The following NDUFAF4 variants were observed in gnomAD, a reference collection of about 807,000 sequenced individuals.
NDUFAF4 encodes the protein NADH:ubiquinone oxidoreductase complex assembly factor 4.
NDUFAF4 carries 10 observed loss-of-function variants against 15.6 expected under a neutral mutation model. The observed-to-expected ratio is 0.64, with a 90% CI of 0.40 to 1.09. NDUFAF4 has a LOEUF of 1.09. Ranked by LOEUF, NDUFAF4 falls within the 50% of genes least tolerant of loss-of-function variation. The pLI, the probability that NDUFAF4 is intolerant of heterozygous loss-of-function variation, is 0.01. For synonymous variants in NDUFAF4, 77 were observed against 73.3 expected (o/e 1.05, Z -0.26); for missense variants, 203 against 207.3 (o/e 0.98, Z 0.13).
At chr6:96,891,471 C>T in intron 2 of NDUFAF4, 80 bp from the exon 3 acceptor site, 5 of 1,354,704 alleles carry the variant, frequency 3.7e-6, no homozygotes, top group Admixed American at 3.6e-5. Context: ...CTACACTATT[C>T]CTCTTCAAAT....
intron 2 of NDUFAF4, among the ~76,000 whole-genome samples, chr6:96,894,458 A>C (rs1288258056): frequency 6.6e-6 from 1 of 152,242 alleles, no homozygotes; most frequent in Non-Finnish European, 1.5e-5. Context: ...TTATTGACTT[A>C]ATGAGGAAAA....
rs1212921553 is a variant in NDUFAF4 at position 96,890,111 on chromosome 6, C to T, written c.*993G>A. On this transcript the variant is annotated 3_prime_UTR_variant, in exon 3 of 3. Coordinates refer to ENST00000316149, the MANE Select transcript of NDUFAF4 (RefSeq NM_014165.4). ...AGGCAGAGCTAAACTCACACACTCA[C>T]TCAAGATCCTAGTACTGGTACATGC... 4 of 152,086 alleles carry T rather than the reference C, an allele frequency of 2.6e-5. No homozygotes were observed. Among genetic ancestry groups the T allele is most frequent in the Non-Finnish European group, 5.9e-5 (4 of 68,000 alleles). 9.4% of individuals were successfully genotyped at this position (152,086 alleles called of 1,614,324 possible). A position where few individuals can be genotyped will look rare whatever the true frequency, so the allele number is the denominator to read the frequency against.
chr6:96,890,956 A>C lies in NDUFAF4; in HGVS notation c.*148T>G. 1 of 723,660 alleles carries C rather than the reference A, an allele frequency of 1.4e-6. No individual in the cohort carries two copies. The highest frequency in any genetic ancestry group is 1.9e-5 in the South Asian group (1 of 53,380). The allele number at this position is 723,660 out of a possible 1,614,324, so 44.8% of individuals were successfully genotyped here. A position where few individuals can be genotyped will look rare whatever the true frequency, so the allele number is the denominator to read the frequency against. ...AAGATATTCTATGGCAATCTTGAAA[A>C]GTCAGGGAGCTCAATAAATATTAAG... is the stretch of plus-strand genomic sequence containing the variant. On this transcript the variant is annotated 3_prime_UTR_variant, in exon 3 of 3. Coordinates refer to ENST00000316149, the MANE Select transcript of NDUFAF4 (RefSeq NM_014165.4).
At chr6:96,895,222 G>T (rs1464867874) in intron 2 of NDUFAF4, among the ~76,000 whole-genome samples, 2 of 152,148 alleles carry the variant, frequency 1.3e-5, no homozygotes, top group Non-Finnish European at 2.9e-5. Context: ...AAAACTACTG[G>T]AAGAAAATAC....
rs763710545 is a variant in NDUFAF4 at position 96,897,749 on chromosome 6, G to A, written c.53C>T (p.Ala18Val). The change falls in exon 1 of 3, where the codon GCG becomes GTG. Residue 18 changes from alanine to valine, a missense_variant. Coordinates refer to ENST00000316149, the MANE Select transcript of NDUFAF4 (RefSeq NM_014165.4). ...GIRNFNLENR[A>V]EREISKMKPS... ...CTTCATCTTGCTGATTTCCCGTTCC[G>A]CTCGGTTCTCTAGGTTGAAATTCCT... is the stretch of plus-strand genomic sequence containing the variant. 11 of 1,614,044 alleles carry A rather than the reference G, an allele frequency of 6.8e-6. No homozygotes were observed. In the Admixed American group the frequency reaches 8.3e-5, roughly 12 times the overall value.
At chr6:96,897,437 T>C (rs549312938) in intron 1 of NDUFAF4, among the ~76,000 whole-genome samples, 27 of 152,302 alleles carry the variant, frequency 1.8e-4, no homozygotes, top group Non-Finnish European at 3.5e-4. Context: ...CACTGGCTGC[T>C]GCCTCTGGGT....
At chr6:96,891,474 C>T (rs1775315813) in intron 2 of NDUFAF4, 83 bp from the exon 3 acceptor site, 1 of 1,327,082 alleles carries the variant, frequency 7.5e-7, no homozygotes, top group Non-Finnish European at 1.1e-6. Context: ...CACTATTCCT[C>T]TTCAAATAAC....
chr6:96,897,313 C>G (rs1403036903), intron 1 of NDUFAF4, among the ~76,000 whole-genome samples: 5 of 152,208 alleles, frequency 3.3e-5, no homozygotes, highest in Non-Finnish European at 7.3e-5. Context: ...CCAGGTCAGG[C>G]TCTGCGTCCA....
intron 1 of NDUFAF4, 56 bp downstream of exon 1, chr6:96,897,610 C>CGGGCA: frequency 6.2e-7 from 1 of 1,609,430 alleles, no homozygotes; most frequent in East Asian, 2.2e-5. Context: ...TAGGGACAGC[C>CGGGCA]GGGCAGCACA....
chr6:96,897,178 G>C lies in NDUFAF4; in HGVS notation c.137-331C>G, dbSNP rs7771530. The stretch of plus-strand genomic sequence containing the variant: ...GACCTCAGGTGATCTGCCCGCCTCG[G>C]CCTCCCAAAGTGCTGAGATTACAGG... On this transcript the variant is annotated intron_variant, in intron 1 of 2. Transcript: ENST00000316149. 0.28 allele frequency among the ~76,000 whole-genome samples: 42,666 copies of C among 152,020 alleles called. 6,016 individuals are homozygous for C. Among genetic ancestry groups the C allele is most frequent in the South Asian group, 0.32 (1,518 of 4,816 alleles).
Position 96,890,890 on chromosome 6 carries a change from G to A in NDUFAF4, c.*214C>T, listed in dbSNP as rs1485047040. 2 of 506,802 alleles carry A rather than the reference G, an allele frequency of 3.9e-6. No homozygotes were observed. Among genetic ancestry groups the A allele is most frequent in the African/African-American group, 1.9e-5 (1 of 51,962 alleles). The allele number at this position is 506,802 out of a possible 1,614,324, so 31.4% of individuals were successfully genotyped here. ...CAGATGTGCTCAGTCATGCTGACATGCACTTATGAAATATGCCTAAACCAA... is the reference window on the plus strand; with the variant it reads ...CAGATGTGCTCAGTCATGCTGACATACACTTATGAAATATGCCTAAACCAA... On this transcript the variant is annotated 3_prime_UTR_variant, in exon 3 of 3. Coordinates refer to ENST00000316149, the MANE Select transcript of NDUFAF4 (RefSeq NM_014165.4).
Position 96,890,316 on chromosome 6 carries a change from TTC to T in NDUFAF4, c.*786_*787del, listed in dbSNP as rs908014537. On this transcript the variant is annotated 3_prime_UTR_variant, in exon 3 of 3. Coordinates refer to ENST00000316149, the MANE Select transcript of NDUFAF4 (RefSeq NM_014165.4). ...GGTTTTTTAATTATTCTTTAAATTT[TTC>T]TCTATTTCCACATTAAATCCAGAGA... The T allele has an allele frequency of 4.6e-5, 7 of 152,276 alleles. 1 individual carries two copies. Among genetic ancestry groups the T allele is most frequent in the African/African-American group, 1.7e-4 (7 of 41,568 alleles). The allele number at this position is 152,276 out of a possible 1,614,324, so 9.4% of individuals were successfully genotyped here.
At chr6:96,897,443 T>C (rs1169631561) in intron 1 of NDUFAF4, among the ~76,000 whole-genome samples, 2 of 152,182 alleles carry the variant, frequency 1.3e-5, no homozygotes, top group Non-Finnish European at 2.9e-5. Flanking sequence ...CTGCTGCCTC[T>C]GGGTCTCGGA....
intron 2 of NDUFAF4, among the ~76,000 whole-genome samples, chr6:96,892,149 TTC>T (rs1468237264): frequency 6.6e-6 from 1 of 152,180 alleles, no homozygotes; most frequent in African/African-American, 2.4e-5. Context: ...ATAACATCTA[TTC>T]TGTTTCCCAG....
chr6:96,897,639 GC>G, intron 1 of NDUFAF4, 26 bp downstream of exon 1: 1 of 1,612,518 alleles, frequency 6.2e-7, no homozygotes, highest in African/African-American at 1.3e-5. Context: ...GCGCCCCCGG[GC>G]CCCGAAACGC....
chr6:96,894,110 C>A (rs1171619641), intron 2 of NDUFAF4, among the ~76,000 whole-genome samples: 1 of 152,094 alleles, frequency 6.6e-6, no homozygotes, highest in Non-Finnish European at 1.5e-5. Context: ...CAACTACAGA[C>A]CAAAAATATT....
At chr6:96,897,128 T>C (rs1775388920) in intron 1 of NDUFAF4, among the ~76,000 whole-genome samples, 1 of 152,170 alleles carries the variant, frequency 6.6e-6, no homozygotes, top group Admixed American at 6.5e-5. Flanking sequence ...TTTAGCCATG[T>C]TGGCCAGGCT....
At chr6:96,897,446 G>A (rs1775397799) in intron 1 of NDUFAF4, among the ~76,000 whole-genome samples, 1 of 152,204 alleles carries the variant, frequency 6.6e-6, no homozygotes, top group Non-Finnish European at 1.5e-5. Flanking sequence ...CTGCCTCTGG[G>A]TCTCGGAAGT....
intron 2 of NDUFAF4, 144 bp downstream of exon 2, chr6:96,896,600 T>C: frequency 2.9e-6 from 2 of 693,520 alleles, no homozygotes; most frequent in East Asian, 5.4e-5. Context: ...CTTACACCAG[T>C]GTGCTTAAAC....
Sources: allele counts gnomAD v4.1 joint callset (sites outside exome capture counted in the v4.1 genomes callset), GRCh38; gene constraint gnomAD v4.1.1; transcripts MANE v1.5; gene names NCBI Gene and HGNC (gene_info 2026-07-23, HGNC 2026-07-21).